AXDND1: variants seen among roughly 807,000 people sequenced by gnomAD.
The protein encoded by AXDND1 is axonemal dynein light chain domain containing 1, also known as axonemal dynein light chain domain-containing protein 1.
Under a neutral mutation model 137.5 loss-of-function variants are expected in AXDND1, and 110 were observed. That is an observed-to-expected ratio of 0.80 (90% CI 0.69 to 0.94). The LOEUF is 0.94. Among genes scored for constraint, AXDND1 ranks in the 40% least tolerant of loss-of-function variants. AXDND1 has a pLI of 0.00. For missense variants in AXDND1, 1,191 were observed against 1,169.8 expected, an observed-to-expected ratio of 1.02 and a Z score of -0.26; for synonymous variants, 414 against 399.7, an observed-to-expected ratio of 1.04 and a Z score of -0.43.
intron 15 of AXDND1, among the ~76,000 whole-genome samples, chr1:179,438,574 C>G (rs1468966978): frequency 6.6e-6 from 1 of 152,122 alleles, no homozygotes; most frequent in African/African-American, 2.4e-5. Context: ...CTCTAGGACA[C>G]GATGAGTAAG....
At chr1:179,377,912 C>T (rs1033308912) in intron 4 of AXDND1, among the ~76,000 whole-genome samples, 1 of 152,108 alleles carries the variant, frequency 6.6e-6, no homozygotes, top group Admixed American at 6.6e-5. Context: ...GTGGCTCATG[C>T]CTGTAATCCC....
chr1:179,484,594 C>T (rs1326646122), intron 18 of AXDND1, among the ~76,000 whole-genome samples: 1 of 152,120 alleles, frequency 6.6e-6, no homozygotes, highest in Non-Finnish European at 1.5e-5. Flanking sequence ...AGCAGAGCAC[C>T]CCCAACTAAT....
chr1:179,485,474 A>T (rs138362521), intron 18 of AXDND1, among the ~76,000 whole-genome samples: 1 of 152,310 alleles, frequency 6.6e-6, no homozygotes, highest in Non-Finnish European at 1.5e-5. Context: ...GGTTGACTGA[A>T]CCCAACTTAT....
chr1:179,418,592 G>A (rs1023646433), intron 12 of AXDND1, among the ~76,000 whole-genome samples: 25 of 148,326 alleles, frequency 1.7e-4, no homozygotes, highest in African/African-American at 6.2e-4. Flanking sequence ...CTCACCTCCC[G>A]GACGGGGCGG....
intron 12 of AXDND1, among the ~76,000 whole-genome samples, chr1:179,426,420 A>G (rs1423531507): frequency 6.6e-6 from 1 of 152,216 alleles, no homozygotes; most frequent in Admixed American, 6.5e-5. Context: ...GAATAATTAG[A>G]TAACATTTTT....
intron 17 of AXDND1, among the ~76,000 whole-genome samples, chr1:179,474,802 G>A (rs34929015): frequency 0.55 from 83,534 of 152,064 alleles, 23,246 homozygotes; most frequent in East Asian, 0.76. Context: ...GAGAAACTGA[G>A]TGTTCATAGC....
In AXDND1 at chr1:179,429,706, G is replaced by A. The variant is rs1012869144; in HGVS notation, c.1332+87G>A. On this transcript the variant is annotated intron_variant, in intron 13 of 25. Coordinates refer to ENST00000367618, the MANE Select transcript of AXDND1 (RefSeq NM_144696.6). The stretch of plus-strand genomic sequence containing the variant: ...GTAAGATGCCTTTGTTAAATTTATC[G>A]ATTTTAAAAATATCATTTTATATTA... 5.1e-5 allele frequency: 35 copies of A among 689,160 alleles called. No individual in the cohort carries two copies. In the Middle Eastern group the frequency reaches 8.3e-4, roughly 16 times the overall value. 42.7% of individuals were successfully genotyped at this position (689,160 alleles called of 1,614,324 possible).
At chr1:179,400,911 A>T in intron 11 of AXDND1, among the ~76,000 whole-genome samples, 1 of 148,016 alleles carries the variant, frequency 6.8e-6, no homozygotes, top group Non-Finnish European at 1.5e-5. Flanking sequence ...TCTCAAAAAA[A>T]AAAAAAAAAA....
intron 17 of AXDND1, among the ~76,000 whole-genome samples, chr1:179,473,681 C>A (rs1401915708): frequency 6.6e-6 from 1 of 151,878 alleles, no homozygotes; most frequent in Non-Finnish European, 1.5e-5. Flanking sequence ...AATTGCAATC[C>A]CCACATGTCA....
chr1:179,467,310 A>G lies in AXDND1; in HGVS notation c.1799-1133A>G, dbSNP rs182990636. On this transcript the variant is annotated intron_variant, in intron 16 of 25. Transcript: ENST00000367618. ...TTTAATTTTCTATGGCAGCAATAAT[A>G]TAGTTATTGATAAAATGGCAATACT... 1.8e-4 allele frequency among the ~76,000 whole-genome samples: 27 copies of G among 152,314 alleles called. No individual in the cohort carries two copies. In the East Asian group the frequency reaches 5.0e-3, roughly 28 times the overall value.
In AXDND1 at chr1:179,377,068, A is replaced by T. The variant is rs931238178; in HGVS notation, c.375-1569A>T. On this transcript the variant is annotated intron_variant, in intron 4 of 25. Transcript: ENST00000367618. ...TGCCTCAGCCTCCCAAGCAGCTGGG[A>T]CTATAGGCACACACCACCACGCCCG... Among the ~76,000 whole-genome samples, 13 of 152,200 alleles carry T rather than the reference A, an allele frequency of 8.5e-5. No homozygotes were observed. The East Asian group carries it at 2.5e-3, about 29-fold the overall frequency.
chr1:179,507,995 CT>C (rs1668690074), intron 20 of AXDND1, among the ~76,000 whole-genome samples: 1 of 152,170 alleles, frequency 6.6e-6, no homozygotes, highest in Admixed American at 6.5e-5. Flanking sequence ...GCTTCAGTTT[CT>C]TTATCTACAA....
chr1:179,370,000 A>G lies in AXDND1; in HGVS notation c.296A>G (p.His99Arg), dbSNP rs1553252096. ...GGCACTCTTCCACGCCTTGTAGACC[A>G]TGTCTGGCATCACCCTGTTCGAAGG... ...PKGTLPRLVD[H>R]VWHHPVRRNK... Residue 99 changes from histidine to arginine, a missense_variant, in exon 4 of 26, where the codon CAT (histidine) becomes CGT (arginine). Transcript: ENST00000367618. 1.9e-6 allele frequency: 3 copies of G among 1,614,014 alleles called. No homozygotes were observed. Among genetic ancestry groups the G allele is most frequent in the African/African-American group, 1.3e-5 (1 of 75,044 alleles).
Position 179,379,456 on chromosome 1 carries a change from A to G in AXDND1, c.555A>G (p.Gly185=), listed in dbSNP as rs1354971723. The G allele has an allele frequency of 1.9e-6, 3 of 1,613,520 alleles. No individual in the cohort carries two copies. The highest frequency in any genetic ancestry group is 2.5e-6 in the Non-Finnish European group (3 of 1,179,772). Residue 185 remains glycine (G), a synonymous_variant, in exon 6 of 26, where the codon GGA becomes GGG. Coordinates refer to ENST00000367618, the MANE Select transcript of AXDND1 (RefSeq NM_144696.6). The part of the protein sequence containing the change: ...PEEFHIVSST[G]VSGLECYDDK... ...AATTTCATATTGTGTCAAGTACAGG[A>G]GTTTCAGGTTTGGAGTGTTATGATG...
chr1:179,528,415 A>G lies in AXDND1; in HGVS notation c.2699A>G (p.Asp900Gly). The change falls in exon 23 of 26, where the codon GAT (aspartate) becomes GGT (glycine). Residue 900 changes from aspartate (D) to glycine (G), a missense_variant. Transcript: ENST00000367618. ...NVHSKPLFET[D>G]VLSSWRESAK... ...CATTCCAAACCTCTATTTGAAACAG[A>G]TGTGTTGTCTTCCTGGGTATGTATC... 6.2e-7 allele frequency: 1 copy of G among 1,612,230 alleles called. No homozygotes were observed.
At chr1:179,461,660 A>G (rs917247293) in intron 16 of AXDND1, among the ~76,000 whole-genome samples, 7 of 152,012 alleles carry the variant, frequency 4.6e-5, no homozygotes, top group Non-Finnish European at 8.8e-5. Flanking sequence ...CATTTTCACG[A>G]TATTGATTCT....
At chr1:179,486,495 A>G (rs1666100380) in intron 18 of AXDND1, among the ~76,000 whole-genome samples, 1 of 149,692 alleles carries the variant, frequency 6.7e-6, no homozygotes, top group Non-Finnish European at 1.5e-5. Flanking sequence ...GAAAAATACT[A>G]CAAAATAAGA....
rs572025552 is a variant in AXDND1 at position 179,367,521 on chromosome 1, G to A, written c.97+915G>A. On this transcript the variant is annotated intron_variant, in intron 2 of 25. Transcript: ENST00000367618. The stretch of plus-strand genomic sequence containing the variant: ...AGAACGAGACTCCGTCTCAAATCAC[G>A]AGGTCAGGAGTTTGAGACCAGCCTG... 1.2e-4 allele frequency among the ~76,000 whole-genome samples: 19 copies of A among 152,006 alleles called. No individual in the cohort carries two copies. The South Asian group carries it at 3.9e-3, about 32-fold the overall frequency.
intron 11 of AXDND1, among the ~76,000 whole-genome samples, chr1:179,396,572 C>G (rs1326212426): frequency 6.6e-6 from 1 of 151,760 alleles, no homozygotes; most frequent in East Asian, 1.9e-4. Context: ...TGCTTGAACC[C>G]AGGAGGCGGA....
Sources: gnomAD v4.1 joint callset for allele counts (sites outside exome capture counted in the v4.1 genomes callset) on GRCh38, gnomAD v4.1.1 for gene constraint, MANE v1.5 for transcripts, NCBI Gene and HGNC (gene_info 2026-07-23, HGNC 2026-07-21) for gene names.